Variants in LANCL1 observed in about 807,000 individuals in gnomAD.
LANCL1 encodes glutathione S-transferase LANCL1.
A neutral mutation model predicts 50.6 loss-of-function variants in LANCL1; 50 were observed. That is an observed-to-expected ratio of 0.99 (90% CI 0.79 to 1.25). The LOEUF (loss-of-function observed/expected upper bound fraction) is 1.25. Among genes scored for constraint, LANCL1 ranks in the 50% most tolerant of loss-of-function variants. The probability of loss-of-function intolerance (pLI) is 0.00; values close to 1 mark genes in which losing one functional copy is unlikely to be tolerated. For synonymous variants in LANCL1, 188 were observed against 178.6 expected, an observed-to-expected ratio of 1.05 and a Z score of -0.42; for missense variants, 532 against 480.7, an observed-to-expected ratio of 1.11 and a Z score of -1.00.
chr2:210,458,371 T>C (rs187488310), intron 3 of LANCL1, among the ~76,000 whole-genome samples: 18 of 152,254 alleles, frequency 1.2e-4, no homozygotes, highest in Admixed American at 9.8e-4. Flanking sequence ...GCAGGCCAGT[T>C]AGGATTTGGA....
intron 6 of LANCL1, among the ~76,000 whole-genome samples, 166 bp from the exon 7 acceptor site, chr2:210,438,038 CT>C (rs1422610670): frequency 6.6e-6 from 1 of 151,614 alleles, no homozygotes; most frequent in Non-Finnish European, 1.5e-5. Flanking sequence ...TTATTTTAAG[CT>C]TTTGTGATTT....
intron 4 of LANCL1, among the ~76,000 whole-genome samples, chr2:210,452,010 CA>C (rs2105904814): frequency 1.3e-5 from 2 of 151,772 alleles, no homozygotes; most frequent in African/African-American, 4.8e-5. Flanking sequence ...TATAGATTAC[CA>C]GGGGATGATG....
chr2:210,453,839 A>G (rs957615393), intron 4 of LANCL1, among the ~76,000 whole-genome samples: 2 of 152,114 alleles, frequency 1.3e-5, no homozygotes, highest in African/African-American at 4.8e-5. Flanking sequence ...CACACTTTAA[A>G]CTTTGGGGGA....
chr2:210,447,673 A>G (rs1360501632), intron 4 of LANCL1, among the ~76,000 whole-genome samples: 4 of 152,160 alleles, frequency 2.6e-5, no homozygotes, highest in African/African-American at 9.7e-5. Flanking sequence ...GACCAAGCAA[A>G]TGGAAAGCAA....
In LANCL1 at chr2:210,440,708, C is replaced by A. The variant is rs1693102052; in HGVS notation, c.580G>T (p.Ala194Ser). Residue 194 changes from alanine (A) to serine (S), a missense_variant, in exon 6 of 10, where the codon GCT becomes TCT. Ala to Ser is a moderately conservative substitution (Grantham distance 99). Transcript: ENST00000450366. ...TTTGCCGTGAAGTTTCTCTTCCTAG[C>A]TAGGTTTTCTCCAGAGGTTAAAATT... ...ETILTSGENL[A>S]RKRNFTAKSP... The A allele has an allele frequency of 6.2e-7, 1 of 1,613,826 alleles. No individual in the cohort carries two copies. The highest frequency in any genetic ancestry group is 1.3e-5 in the African/African-American group (1 of 74,900).
intron 2 of LANCL1, among the ~76,000 whole-genome samples, chr2:210,472,588 T>C (rs193165099): frequency 2.0e-3 from 304 of 152,218 alleles, no homozygotes; most frequent in African/African-American, 7.1e-3. Flanking sequence ...TTAAGCAGAA[T>C]AGAAAGAATA....
upstream of LANCL1, chr2:210,477,582 C>A: frequency 7.2e-7 from 1 of 1,393,218 alleles, no homozygotes. Context: ...ACTGGAGAAG[C>A]TCAGTCTCCA....
Position 210,441,451 on chromosome 2 carries a change from TA to T in LANCL1, c.408-9del. ...TTATTTAGGTGAATTAGCCTAAAAA[TA>T]AAAATACATGCCCCAAATAATTTGA... On this transcript the variant is annotated splice_polypyrimidine_tract_variant and intron_variant, in intron 4 of 9. Coordinates refer to ENST00000450366, the MANE Select transcript of LANCL1 (RefSeq NM_006055.3). The T allele has an allele frequency of 1.3e-6, 2 of 1,599,452 alleles. No homozygotes were observed. The highest frequency in any genetic ancestry group is 1.7e-6 in the Non-Finnish European group (2 of 1,172,134).
rs1053975665 is a variant in LANCL1 at position 210,472,877 on chromosome 2, T to C, written c.82-801A>G. 8.5e-5 allele frequency among the ~76,000 whole-genome samples: 13 copies of C among 152,330 alleles called. No homozygotes were observed. The East Asian group carries it at 1.4e-3, about 16-fold the overall frequency. On this transcript the variant is annotated intron_variant, in intron 2 of 9. Coordinates refer to ENST00000450366, the MANE Select transcript of LANCL1 (RefSeq NM_006055.3). ...AATGTTGACATTTTTACTAATTCTTTAGCAGATCAAGGGTCTAAGGCAAGT... is the reference window on the plus strand; with the variant it reads ...AATGTTGACATTTTTACTAATTCTTCAGCAGATCAAGGGTCTAAGGCAAGT...
chr2:210,473,402 A>C (rs548956280), intron 2 of LANCL1, among the ~76,000 whole-genome samples: 3 of 152,176 alleles, frequency 2.0e-5, no homozygotes, highest in Admixed American at 1.3e-4. Context: ...AACAACAAAA[A>C]CCCAAAAAAC....
At chr2:210,438,945 C>A (rs750006498) in intron 6 of LANCL1, among the ~76,000 whole-genome samples, 6 of 151,982 alleles carry the variant, frequency 3.9e-5, no homozygotes, top group Non-Finnish European at 8.8e-5. Flanking sequence ...GAGGGGTGGG[C>A]AGTGGTGTGA....
At chr2:210,476,945 C>T (rs933549000), upstream of LANCL1, among the ~76,000 whole-genome samples, 1 of 152,186 alleles carries the variant, frequency 6.6e-6, no homozygotes, top group African/African-American at 2.4e-5. Flanking sequence ...ATTTCCTACC[C>T]TTCTTTAATT....
chr2:210,461,075 G>C (rs991494863), intron 3 of LANCL1, among the ~76,000 whole-genome samples: 11 of 152,098 alleles, frequency 7.2e-5, no homozygotes, highest in Non-Finnish European at 1.6e-4. Flanking sequence ...CAAACACCAA[G>C]CCTTCTGGGT....
chr2:210,464,413 G>A (rs997338039), intron 3 of LANCL1, among the ~76,000 whole-genome samples: 6 of 152,154 alleles, frequency 3.9e-5, no homozygotes, highest in Non-Finnish European at 5.9e-5. Flanking sequence ...AAGTGCAGTG[G>A]GCTTTTAAAC....
chr2:210,470,238 T>C (rs1694186723), intron 3 of LANCL1, among the ~76,000 whole-genome samples: 1 of 152,344 alleles, frequency 6.6e-6, no homozygotes, highest in African/African-American at 2.4e-5. Context: ...ACCTTCCTTC[T>C]TGAAACAAAA....
rs1408964860 is a variant in LANCL1, at chr2:210,432,747, A to G, written c.*1740T>C. On this transcript the variant is annotated 3_prime_UTR_variant, in exon 10 of 10. Coordinates refer to ENST00000450366, the MANE Select transcript of LANCL1 (RefSeq NM_006055.3). ...ATTAGCTTTGCTGTGCACTACTTTT[A>G]CTTCTTACTGTAAGTGCTGATATCG... The G allele has an allele frequency of 6.6e-6, 1 of 152,132 alleles. No homozygotes were observed. 9.4% of individuals were successfully genotyped at this position (152,132 alleles called of 1,614,324 possible).
intron 3 of LANCL1, among the ~76,000 whole-genome samples, chr2:210,465,002 C>T (rs1297109243): frequency 7.2e-6 from 1 of 139,730 alleles, no homozygotes; most frequent in South Asian, 2.3e-4. Flanking sequence ...CTTATGCGTA[C>T]AGACTGTACA....
At chr2:210,462,402 T>C (rs1693892108) in intron 3 of LANCL1, among the ~76,000 whole-genome samples, 1 of 152,222 alleles carries the variant, frequency 6.6e-6, no homozygotes, top group Admixed American at 6.5e-5. Context: ...CATACATCAA[T>C]ATCATGATGC....
chr2:210,436,424 G>C, intron 7 of LANCL1, 32 bp from the exon 8 acceptor site: 2 of 1,595,680 alleles, frequency 1.3e-6, no homozygotes, highest in Non-Finnish European at 1.7e-6. Context: ...TTTATTATAC[G>C]GGATATAAAA....
Sources: allele counts gnomAD v4.1 joint callset (sites outside exome capture counted in the v4.1 genomes callset), GRCh38; gene constraint gnomAD v4.1.1; transcripts MANE v1.5; gene names NCBI Gene and HGNC (gene_info 2026-07-23, HGNC 2026-07-21).